TRERF1: variants seen among roughly 807,000 people sequenced by gnomAD.
The protein encoded by TRERF1 is transcriptional regulating factor 1.
Under a neutral mutation model 122.9 loss-of-function variants are expected in TRERF1, and 27 were observed. That is an observed-to-expected ratio of 0.22 (90% CI 0.16 to 0.30). The LOEUF is 0.30. Among genes scored for constraint, TRERF1 ranks in the 10% least tolerant of loss-of-function variants. The pLI, the probability that TRERF1 is intolerant of heterozygous loss-of-function variation, is 1.00. For missense variants in TRERF1, 1,248 were observed against 1,560.3 expected (o/e 0.80, Z 3.37); for synonymous variants, 636 against 641.7 (o/e 0.99, Z 0.13).
At chr6:42,343,176 G>A (rs774352804) in intron 3 of TRERF1, among the ~76,000 whole-genome samples, 3 of 152,192 alleles carry the variant, frequency 2.0e-5, no homozygotes, top group Non-Finnish European at 4.4e-5. Context: ...CCTGGGATAT[G>A]AGAAACCCAC....
intron 2 of TRERF1, among the ~76,000 whole-genome samples, chr6:42,410,980 T>G (rs1266387713): frequency 6.6e-6 from 1 of 152,178 alleles, no homozygotes; most frequent in East Asian, 1.9e-4. Flanking sequence ...TCTGGAGAGA[T>G]GCTGGCAATC....
At chr6:42,408,355 GTA>G (rs1343646533) in intron 2 of TRERF1, among the ~76,000 whole-genome samples, 11 of 102,460 alleles carry the variant, frequency 1.1e-4, no homozygotes, top group African/African-American at 3.1e-4. Flanking sequence ...GTGTGTGTGT[GTA>G]TATATATATA....
chr6:42,256,191 T>C (rs1163399911), intron 12 of TRERF1, among the ~76,000 whole-genome samples: 1 of 151,450 alleles, frequency 6.6e-6, no homozygotes, highest in East Asian at 1.9e-4. Context: ...AGCTCTGATT[T>C]TGGGAAGACA....
rs562533281 is a variant in TRERF1, at chr6:42,239,310, G to A, written c.2860-2899C>T. ...TTGTGCTAAATTTTGATCACAGCCA[G>A]CCCCATATATTTGTCCTGAGTCGGG... On this transcript the variant is annotated intron_variant, in intron 15 of 17. Coordinates refer to ENST00000372922, the Ensembl canonical transcript of TRERF1. Among the ~76,000 whole-genome samples the A allele has an allele frequency of 3.3e-5, 5 of 152,270 alleles. No homozygotes were observed. The South Asian group carries it at 1.0e-3, about 32-fold the overall frequency.
rs1003109146 is a variant in TRERF1, at chr6:42,311,272, C to T, written c.-370-10523G>A. ...TCAGAGGAGTGATGAACATGGGTGG[C>T]GCCTATTCATGGTCACCTGAAAAGG... On this transcript the variant is annotated intron_variant, in intron 3 of 17. Coordinates refer to ENST00000372922, the Ensembl canonical transcript of TRERF1. 1.2e-4 allele frequency among the ~76,000 whole-genome samples: 18 copies of T among 152,034 alleles called. 1 individual carries two copies. Among genetic ancestry groups the T allele is most frequent in the African/African-American group, 3.9e-4 (16 of 41,380 alleles).
intron 4 of TRERF1, among the ~76,000 whole-genome samples, chr6:42,299,766 G>C (rs1274232640): frequency 6.6e-6 from 1 of 152,162 alleles, no homozygotes; most frequent in Admixed American, 6.5e-5. Flanking sequence ...CAAACTCTAA[G>C]GATCTAAACC....
chr6:42,312,724 G>A (rs538173225), intron 3 of TRERF1, among the ~76,000 whole-genome samples: 1 of 152,194 alleles, frequency 6.6e-6, no homozygotes, highest in Non-Finnish European at 1.5e-5. Context: ...ATGGAAAGGG[G>A]CTTCCCTTTC....
chr6:42,431,932 C>T (rs932558761), intron 2 of TRERF1, among the ~76,000 whole-genome samples: 1 of 152,232 alleles, frequency 6.6e-6, no homozygotes, highest in Middle Eastern at 3.4e-3. Context: ...ACTGAGGAAG[C>T]CCTGAAATAA....
At position 42,356,696 on chromosome 6, in the gene TRERF1, T is replaced by C. The variant is rs183656000; in HGVS notation, c.-371+6301A>G. ...TTCAAGCGATTCTCTTGCCTCAGCC[T>C]CCCGAGTAGCTGGGATTACAGGTGC... is the stretch of plus-strand genomic sequence containing the variant. On this transcript the variant is annotated intron_variant, in intron 3 of 17. Transcript: ENST00000372922. Among the ~76,000 whole-genome samples the C allele has an allele frequency of 2.5e-4, 38 of 152,284 alleles. No individual in the cohort carries two copies. In the East Asian group the frequency reaches 7.0e-3, roughly 28 times the overall value.
intron 3 of TRERF1, among the ~76,000 whole-genome samples, chr6:42,347,262 G>T (rs1221879755): frequency 6.6e-6 from 1 of 152,158 alleles, no homozygotes; most frequent in Non-Finnish European, 1.5e-5. Context: ...CCAAAGGCAG[G>T]CTCTAAGAGA....
At chr6:42,267,740 C>T (rs1779466342) in intron 5 of TRERF1, among the ~76,000 whole-genome samples, 1 of 152,232 alleles carries the variant, frequency 6.6e-6, no homozygotes, top group Non-Finnish European at 1.5e-5. Context: ...CTGTTCTGAG[C>T]AATATACTTT....
chr6:42,312,515 C>A (rs985150877), intron 3 of TRERF1, among the ~76,000 whole-genome samples: 23 of 152,348 alleles, frequency 1.5e-4, no homozygotes, highest in African/African-American at 5.5e-4. Flanking sequence ...TCTCTCTGAT[C>A]CTCGGCATTC....
At chr6:42,347,456 G>A (rs1490095527) in intron 3 of TRERF1, among the ~76,000 whole-genome samples, 1 of 152,140 alleles carries the variant, frequency 6.6e-6, no homozygotes, top group Non-Finnish European at 1.5e-5. Context: ...TGGTGTAGAG[G>A]TGAGAATCAT....
At chr6:42,281,545 C>G (rs1421254685) in intron 4 of TRERF1, among the ~76,000 whole-genome samples, 1 of 152,160 alleles carries the variant, frequency 6.6e-6, no homozygotes, top group African/African-American at 2.4e-5. Context: ...ACACAGCAAA[C>G]AAGTTTGTCA....
At chr6:42,329,929 C>T (rs1764961489) in intron 3 of TRERF1, among the ~76,000 whole-genome samples, 1 of 151,918 alleles carries the variant, frequency 6.6e-6, no homozygotes, top group Admixed American at 6.6e-5. Flanking sequence ...GCAGACCTTG[C>T]AGTGAGCCGA....
Position 42,263,719 on chromosome 6 carries a change from T to C in TRERF1, c.1636-151A>G. 1.7e-6 allele frequency: 2 copies of C among 1,164,326 alleles called. No homozygotes were observed. Among genetic ancestry groups the C allele is most frequent in the Non-Finnish European group, 1.1e-6 (1 of 899,100 alleles). The allele number at this position is 1,164,326 out of a possible 1,614,324, so 72.1% of individuals were successfully genotyped here. A position where few individuals can be genotyped will look rare whatever the true frequency, so the allele number is the denominator to read the frequency against. ...TTCCTTCCTGCAATCCTGAGTCCCT[T>C]GGCTGGAGTGATGCCAGCTGATGGT... On this transcript the variant is annotated intron_variant, in intron 7 of 17. Transcript: ENST00000372922. The surrounding 1 kb of genome is among the most constrained non-coding windows in gnomAD (Gnocchi z 5.6).
chr6:42,274,186 A>T (rs758499471), intron 4 of TRERF1, among the ~76,000 whole-genome samples: 2 of 152,182 alleles, frequency 1.3e-5, no homozygotes, highest in Admixed American at 6.5e-5. Flanking sequence ...TCAGAAACTC[A>T]GGCTGTGGCT....
At chr6:42,296,595 A>C (rs1301882180) in intron 4 of TRERF1, among the ~76,000 whole-genome samples, 2 of 152,170 alleles carry the variant, frequency 1.3e-5, no homozygotes, top group African/African-American at 4.8e-5. Flanking sequence ...GTAGGTTCAA[A>C]CTCAGCTCTT....
chr6:42,253,876 G>A (rs922723821), intron 13 of TRERF1, among the ~76,000 whole-genome samples: 1 of 152,204 alleles, frequency 6.6e-6, no homozygotes, highest in African/African-American at 2.4e-5. Flanking sequence ...CACATATTTG[G>A]CACCTGCCTA....
Sources: gnomAD v4.1 joint callset for allele counts (sites outside exome capture counted in the v4.1 genomes callset) on GRCh38, gnomAD v4.1.1 for gene constraint, Gnocchi (gnomAD v3.1) non-coding constraint, MANE v1.5 for transcripts, NCBI Gene and HGNC (gene_info 2026-07-23, HGNC 2026-07-21) for gene names.